Variants in KSR2 observed in about 807,000 individuals in gnomAD.
KSR2 encodes kinase suppressor of ras 2.
A neutral mutation model predicts 107.8 loss-of-function variants in KSR2; 25 were observed. That is an observed-to-expected ratio of 0.23 (90% CI 0.17 to 0.32). KSR2 has a LOEUF of 0.32. KSR2 is among the 10% of genes least tolerant of loss of function. KSR2 has a pLI of 1.00. For missense variants in KSR2, 887 were observed against 1,268.9 expected (o/e 0.70, Z 4.57); for synonymous variants, 480 against 507.0 (o/e 0.95, Z 0.71).
chr12:117,849,351 C>T (rs966720388), intron 3 of KSR2, among the ~76,000 whole-genome samples: 9 of 152,148 alleles, frequency 5.9e-5, no homozygotes, highest in African/African-American at 1.9e-4. Flanking sequence ...CACCTCAGCA[C>T]GCATTTCTAG....
chr12:117,902,101 C>T (rs905813337), intron 1 of KSR2, among the ~76,000 whole-genome samples: 1 of 152,096 alleles, frequency 6.6e-6, no homozygotes, highest in African/African-American at 2.4e-5. Context: ...AATGTGATTT[C>T]GAACTCAGTT....
intron 14 of KSR2, among the ~76,000 whole-genome samples, chr12:117,485,927 A>G (rs1872436989): frequency 6.6e-6 from 1 of 152,230 alleles, no homozygotes; most frequent in African/African-American, 2.4e-5. Context: ...AAGGACACCC[A>G]CAGAATCTAG....
Position 117,940,942 on chromosome 12 carries a change from C to T in KSR2, c.180+27134G>A, listed in dbSNP as rs184895453. Among the ~76,000 whole-genome samples the T allele has an allele frequency of 1.6e-4, 25 of 152,000 alleles. No homozygotes were observed. The East Asian group carries it at 3.5e-3, about 21-fold the overall frequency. ...CTCTACTAAAAATACAAAAATTAGC[C>T]GGGCATGGTGGTGGTTACCTGTAAT... On this transcript the variant is annotated intron_variant, in intron 1 of 19. Transcript: ENST00000339824.
intron 3 of KSR2, among the ~76,000 whole-genome samples, chr12:117,772,863 T>C (rs1374464091): frequency 6.6e-6 from 1 of 152,238 alleles, no homozygotes; most frequent in Non-Finnish European, 1.5e-5. Context: ...CTTTCTTTCC[T>C]TGAAGTTTGT....
chr12:117,645,809 C>T (rs567665164), intron 5 of KSR2, among the ~76,000 whole-genome samples: 1 of 152,020 alleles, frequency 6.6e-6, no homozygotes, highest in South Asian at 2.1e-4. Context: ...ACTCTTCTTA[C>T]AATTCCGAAT....
chr12:117,558,635 G>A, intron 7 of KSR2, 62 bp from the exon 8 acceptor site: 1 of 1,264,658 alleles, frequency 7.9e-7, no homozygotes, highest in Non-Finnish European at 1.2e-6. Context: ...GGGTAGGTGG[G>A]TGGGTGGATG....
chr12:117,839,223 G>T (rs574812719), intron 3 of KSR2, among the ~76,000 whole-genome samples: 1 of 152,362 alleles, frequency 6.6e-6, no homozygotes, highest in East Asian at 1.9e-4. Context: ...TCTGTGATTA[G>T]ATTATGACAG....
chr12:117,646,720 A>T (rs1438820870), intron 5 of KSR2, among the ~76,000 whole-genome samples: 1 of 152,106 alleles, frequency 6.6e-6, no homozygotes, highest in Non-Finnish European at 1.5e-5. Flanking sequence ...CTCCTCTGCC[A>T]TCTGCCCCCT....
intron 1 of KSR2, among the ~76,000 whole-genome samples, chr12:117,875,323 C>T (rs1232042125): frequency 2.8e-5 from 4 of 143,794 alleles, no homozygotes; most frequent in East Asian, 4.4e-4. Flanking sequence ...ATCCTCACCC[C>T]TTAGGTGCTA....
At chr12:117,542,124 C>T (rs191806107) in intron 9 of KSR2, among the ~76,000 whole-genome samples, 130 of 152,092 alleles carry the variant, frequency 8.5e-4, no homozygotes, top group African/African-American at 2.9e-3. Context: ...TGGGCTCATG[C>T]GATCTGATCC....
chr12:117,805,972 ACT>A (rs1022745611), intron 3 of KSR2, among the ~76,000 whole-genome samples: 7 of 152,026 alleles, frequency 4.6e-5, no homozygotes, highest in Non-Finnish European at 7.3e-5. Flanking sequence ...ACAGAGGAAG[ACT>A]CTGCCTCAAA....
intron 9 of KSR2, among the ~76,000 whole-genome samples, chr12:117,553,659 C>T (rs1180640353): frequency 6.6e-6 from 1 of 152,106 alleles, no homozygotes; most frequent in African/African-American, 2.4e-5. Context: ...GAAATTTGAA[C>T]CCAGTGTTGG....
intron 1 of KSR2, among the ~76,000 whole-genome samples, chr12:117,904,457 C>T (rs1179668870): frequency 6.6e-6 from 1 of 152,220 alleles, no homozygotes; most frequent in Non-Finnish European, 1.5e-5. Context: ...ACATTTTCCA[C>T]ATCAACACTT....
chr12:117,532,650 C>T (rs1406720764), intron 10 of KSR2, among the ~76,000 whole-genome samples: 1 of 152,200 alleles, frequency 6.6e-6, no homozygotes, highest in Non-Finnish European at 1.5e-5. Context: ...TTCTGGACTT[C>T]ACTGCCAGTT....
intron 14 of KSR2, among the ~76,000 whole-genome samples, chr12:117,514,843 C>T (rs961011128): frequency 2.0e-5 from 3 of 152,070 alleles, no homozygotes; most frequent in East Asian, 1.9e-4. Context: ...CCACCGCACC[C>T]GGTCAGATCT....
intron 1 of KSR2, among the ~76,000 whole-genome samples, chr12:117,917,235 C>A (rs1237257563): frequency 4.6e-5 from 7 of 152,126 alleles, no homozygotes; most frequent in African/African-American, 1.4e-4. Flanking sequence ...TAAGACTATA[C>A]AATATATCTT....
At position 117,539,833 on chromosome 12, in the gene KSR2, T is replaced by C. The variant is rs764534253; in HGVS notation, c.1573A>G (p.Thr525Ala). The part of the protein sequence containing the change: ...PDSSSNPSST[T>A]SSTPSSPAPP... ...GCTGGCGAGGAGGGCGTGGAGGACG[T>C]CGTGGAGGAGGGGTTGCTGCTGGAG... Residue 525 changes from threonine (T) to alanine (A), a missense_variant, in exon 10 of 20, where the codon ACG becomes GCG. Physicochemically the swap from Thr to Ala is moderately conservative, Grantham distance 58 (BLOSUM62 0). Transcript: ENST00000339824. 1.2e-5 allele frequency: 20 copies of C among 1,610,052 alleles called. No homozygotes were observed. The East Asian group carries it at 4.5e-4, about 36-fold the overall frequency.
chr12:117,900,834 G>T (rs899721262), intron 1 of KSR2, among the ~76,000 whole-genome samples: 7 of 152,140 alleles, frequency 4.6e-5, no homozygotes, highest in African/African-American at 1.7e-4. Flanking sequence ...GATGCATTCT[G>T]GATTGCATGG....
intron 1 of KSR2, among the ~76,000 whole-genome samples, chr12:117,893,972 C>T (rs965618687): frequency 2.0e-5 from 3 of 146,944 alleles, no homozygotes; most frequent in Non-Finnish European, 3.0e-5. Context: ...TGCAGTGGCG[C>T]GATCTCGGCT....
Sources: allele counts gnomAD v4.1 joint callset (sites outside exome capture counted in the v4.1 genomes callset), GRCh38; gene constraint gnomAD v4.1.1; transcripts MANE v1.5; gene names NCBI Gene and HGNC (gene_info 2026-07-23, HGNC 2026-07-21).